KCNQ5: variants seen among roughly 807,000 people sequenced by gnomAD.
KCNQ5 encodes potassium voltage-gated channel subfamily Q member 5.
KCNQ5 carries 30 observed loss-of-function variants against 98.2 expected under a neutral mutation model. The ratio of observed to expected loss-of-function variants is 0.31; its 90% CI spans 0.23 to 0.41. The LOEUF (loss-of-function observed/expected upper bound fraction) is 0.41. Among genes scored for constraint, KCNQ5 ranks in the 10% least tolerant of loss-of-function variants. The pLI, the probability that KCNQ5 is intolerant of heterozygous loss-of-function variation, is 1.00. For missense variants in KCNQ5, 835 were observed against 1,182.5 expected (o/e 0.71, Z 4.31); for synonymous variants, 458 against 449.4 (o/e 1.02, Z -0.24).
intron 3 of KCNQ5, among the ~76,000 whole-genome samples, chr6:73,052,382 G>T (rs1310883643): frequency 1.3e-5 from 2 of 152,120 alleles, no homozygotes; most frequent in South Asian, 4.1e-4. Context: ...TTGAGAAAAT[G>T]CAGAGAACCC....
intron 2 of KCNQ5, among the ~76,000 whole-genome samples, chr6:73,011,546 G>A (rs1770060787): frequency 6.6e-6 from 1 of 152,074 alleles, no homozygotes; most frequent in Non-Finnish European, 1.5e-5. Flanking sequence ...AAAACTTCAT[G>A]ACATTGGATT....
At chr6:72,768,755 C>CTGTG (rs138166404) in intron 1 of KCNQ5, among the ~76,000 whole-genome samples, 6,810 of 151,530 alleles carry the variant, frequency 0.045, 489 homozygotes, top group African/African-American at 0.16. Flanking sequence ...TTTAAAACCA[C>CTGTG]TGTGTGTGTG....
rs189720412 is a variant in KCNQ5 at position 73,138,343 on chromosome 6, C to A, written c.1468+4702C>A. 2.1e-4 allele frequency among the ~76,000 whole-genome samples: 32 copies of A among 152,252 alleles called. No individual in the cohort carries two copies. The East Asian group carries it at 2.5e-3, about 12-fold the overall frequency. On this transcript the variant is annotated intron_variant, in intron 10 of 13. Transcript: ENST00000370398. ...TAAGGTAGAGCTAGGAGAAAATCTT[C>A]GGATTTCTGGTGACTAGTTTGCTAC... is the stretch of plus-strand genomic sequence containing the variant.
At chr6:72,699,373 T>C (rs1768680038) in intron 1 of KCNQ5, among the ~76,000 whole-genome samples, 1 of 152,232 alleles carries the variant, frequency 6.6e-6, no homozygotes, top group Non-Finnish European at 1.5e-5. Context: ...TGACAAACTG[T>C]CATTTAGAGA....
chr6:72,893,991 C>T lies in KCNQ5; in HGVS notation c.399-109917C>T, dbSNP rs570738795. Among the ~76,000 whole-genome samples, 4 of 152,300 alleles carry T rather than the reference C, an allele frequency of 2.6e-5. No homozygotes were observed. In the South Asian group the frequency reaches 8.3e-4, roughly 32 times the overall value. On this transcript the variant is annotated intron_variant, in intron 1 of 13. Coordinates refer to ENST00000370398, the MANE Select transcript of KCNQ5 (RefSeq NM_019842.4). ...ATAATTGGGTGTTGTGAACCACCCT[C>T]ACTCCTAAAAGTATGATTAGAGTTT...
At chr6:72,975,239 A>AT (rs565054587) in intron 1 of KCNQ5, among the ~76,000 whole-genome samples, 3,731 of 146,694 alleles carry the variant, frequency 0.025, 60 homozygotes, top group Non-Finnish European at 0.039. Flanking sequence ...ATCAACTTCA[A>AT]TTTTTTTTTT....
At chr6:73,029,722 A>G (rs1437910952) in intron 2 of KCNQ5, among the ~76,000 whole-genome samples, 1 of 151,798 alleles carries the variant, frequency 6.6e-6, no homozygotes, top group Non-Finnish European at 1.5e-5. Context: ...TCACGAGGTC[A>G]GGAGATCGAG....
intron 10 of KCNQ5, among the ~76,000 whole-genome samples, chr6:73,156,026 G>C (rs541968130): frequency 5.9e-5 from 9 of 152,164 alleles, no homozygotes; most frequent in African/African-American, 2.2e-4. Flanking sequence ...ACTGCATCAG[G>C]GCCCAAGCAG....
chr6:73,052,200 T>C (rs1049940801), intron 3 of KCNQ5, among the ~76,000 whole-genome samples: 6 of 152,128 alleles, frequency 3.9e-5, no homozygotes, highest in African/African-American at 1.2e-4. Context: ...AAAAAAAGAT[T>C]AAAGAAGAAT....
chr6:72,883,472 T>G (rs1258762582), intron 1 of KCNQ5, among the ~76,000 whole-genome samples: 6 of 152,170 alleles, frequency 3.9e-5, no homozygotes, highest in Non-Finnish European at 4.4e-5. Flanking sequence ...TATAGATTCC[T>G]CTTGGAAATT....
chr6:72,702,441 A>C (rs931238757), intron 1 of KCNQ5, among the ~76,000 whole-genome samples: 2 of 152,196 alleles, frequency 1.3e-5, no homozygotes, highest in Admixed American at 6.5e-5. Flanking sequence ...AAGGAGTATG[A>C]AAAGGTTTAG....
At chr6:72,902,071 T>C (rs1779527703) in intron 1 of KCNQ5, among the ~76,000 whole-genome samples, 1 of 152,218 alleles carries the variant, frequency 6.6e-6, no homozygotes, top group Non-Finnish European at 1.5e-5. Flanking sequence ...ACCTCCTCGG[T>C]TAGGTATATT....
chr6:72,693,511 A>T (rs1768318962), intron 1 of KCNQ5, among the ~76,000 whole-genome samples: 1 of 152,158 alleles, frequency 6.6e-6, no homozygotes, highest in African/African-American at 2.4e-5. Context: ...ATTCTTTAGC[A>T]GGGCAAGGGA....
At chr6:72,958,479 C>T (rs893494832) in intron 1 of KCNQ5, among the ~76,000 whole-genome samples, 1 of 152,194 alleles carries the variant, frequency 6.6e-6, no homozygotes, top group Admixed American at 6.5e-5. Context: ...CAATCACAGC[C>T]ACTCCCTTCA....
chr6:73,060,989 A>G (rs1772754752), intron 3 of KCNQ5, among the ~76,000 whole-genome samples: 1 of 152,212 alleles, frequency 6.6e-6, no homozygotes, highest in Non-Finnish European at 1.5e-5. Flanking sequence ...TGACCCAGGA[A>G]GTCTACTTCC....
intron 1 of KCNQ5, among the ~76,000 whole-genome samples, chr6:72,870,236 G>A (rs1778147923): frequency 6.6e-6 from 1 of 151,950 alleles, no homozygotes; most frequent in Non-Finnish European, 1.5e-5. Context: ...TTGGCTCCTT[G>A]GGTGATGTAT....
At chr6:72,862,230 G>A (rs913358889) in intron 1 of KCNQ5, among the ~76,000 whole-genome samples, 1 of 152,212 alleles carries the variant, frequency 6.6e-6, no homozygotes, top group Non-Finnish European at 1.5e-5. Flanking sequence ...CCTGTCATGG[G>A]CCCATAGAAC....
chr6:72,792,144 A>G (rs1416051777), intron 1 of KCNQ5, among the ~76,000 whole-genome samples: 1 of 152,216 alleles, frequency 6.6e-6, no homozygotes, highest in Non-Finnish European at 1.5e-5. Flanking sequence ...TTGTGAGTCT[A>G]TAATTATGGA....
At chr6:72,694,383 G>A (rs990138197) in intron 1 of KCNQ5, among the ~76,000 whole-genome samples, 1 of 152,226 alleles carries the variant, frequency 6.6e-6, no homozygotes, top group East Asian at 1.9e-4. Context: ...GGCTTGATAT[G>A]TAAGAGATGC....
Sources: gnomAD v4.1 joint callset for allele counts (sites outside exome capture counted in the v4.1 genomes callset) on GRCh38, gnomAD v4.1.1 for gene constraint, MANE v1.5 for transcripts, NCBI Gene and HGNC (gene_info 2026-07-23, HGNC 2026-07-21) for gene names.